Variants in KCNU1 observed in about 807,000 individuals in gnomAD.
KCNU1 encodes potassium channel subfamily U member 1.
Under a neutral mutation model 126.8 loss-of-function variants are expected in KCNU1, and 93 were observed. The ratio of observed to expected loss-of-function variants is 0.73; its 90% CI spans 0.62 to 0.87. The LOEUF is 0.87. Ranked by LOEUF, KCNU1 falls within the 40% of genes least tolerant of loss-of-function variation. The probability of loss-of-function intolerance (pLI) is 0.00; values close to 1 mark genes in which losing one functional copy is unlikely to be tolerated. For missense variants in KCNU1, 1,330 were observed against 1,367.1 expected (o/e 0.97, Z 0.43); for synonymous variants, 523 against 494.2 (o/e 1.06, Z -0.77).
Position 36,836,336 on chromosome 8 carries a change from A to G in KCNU1, c.1336A>G (p.Ile446Val). ...GAACTATGATTCTACCACCAGAATC[A>G]TCATACAGATACTGCAATCCCATAA... is the stretch of plus-strand genomic sequence containing the variant. ...IKNYDSTTRIIIQILQSHNKV... is the reference protein window; with the variant it reads ...IKNYDSTTRIVIQILQSHNKV... Residue 446 changes from isoleucine (I) to valine (V), a missense_variant, in exon 13 of 27, where the codon ATC (isoleucine) becomes GTC (valine). Physicochemically the swap from Ile to Val is conservative, Grantham distance 29. Coordinates refer to ENST00000399881, the MANE Select transcript of KCNU1 (RefSeq NM_001031836.3). 2 of 1,606,500 alleles carry G rather than the reference A, an allele frequency of 1.2e-6. No individual in the cohort carries two copies. The highest frequency in any genetic ancestry group is 1.7e-6 in the Non-Finnish European group (2 of 1,173,964).
intron 14 of KCNU1, among the ~76,000 whole-genome samples, chr8:36,838,516 C>A (rs1804836364): frequency 1.3e-5 from 2 of 152,006 alleles, no homozygotes; most frequent in Admixed American, 6.5e-5. Flanking sequence ...CGTAGTGAAA[C>A]CCTGTCTCTA....
intron 10 of KCNU1, among the ~76,000 whole-genome samples, chr8:36,819,696 A>G (rs2130485202): frequency 6.6e-6 from 1 of 152,124 alleles, no homozygotes; most frequent in Middle Eastern, 3.4e-3. Flanking sequence ...TTCTATCTAA[A>G]TTGGTGTCCT....
intron 24 of KCNU1, among the ~76,000 whole-genome samples, chr8:36,930,210 G>A (rs1437647967): frequency 2.0e-5 from 3 of 152,074 alleles, no homozygotes; most frequent in Admixed American, 6.6e-5. Context: ...ACCTTTCCAT[G>A]TATGTTAATG....
At chr8:36,818,232 G>A (rs924955405) in intron 10 of KCNU1, among the ~76,000 whole-genome samples, 4 of 151,990 alleles carry the variant, frequency 2.6e-5, no homozygotes, top group Admixed American at 2.6e-4. Flanking sequence ...TAGTACAGAA[G>A]GATTTTAAGT....
At chr8:36,884,519 T>G (rs1376121810) in intron 19 of KCNU1, among the ~76,000 whole-genome samples, 1 of 152,140 alleles carries the variant, frequency 6.6e-6, no homozygotes. Context: ...GTGGATCACC[T>G]GAGGTCAGGA....
At chr8:36,874,747 C>G (rs1411572638) in intron 19 of KCNU1, among the ~76,000 whole-genome samples, 4 of 152,132 alleles carry the variant, frequency 2.6e-5, no homozygotes, top group Non-Finnish European at 5.9e-5. Flanking sequence ...ATTATTTATA[C>G]CTTTTAAAAT....
intron 10 of KCNU1, among the ~76,000 whole-genome samples, chr8:36,827,730 G>T (rs576535116): frequency 1.3e-5 from 2 of 152,238 alleles, no homozygotes; most frequent in East Asian, 3.9e-4. Context: ...TATGCTGATG[G>T]TCATGTATCA....
intron 22 of KCNU1, among the ~76,000 whole-genome samples, chr8:36,911,899 C>T (rs1807889214): frequency 6.6e-6 from 1 of 152,138 alleles, no homozygotes; most frequent in Admixed American, 6.5e-5. Context: ...TTCCTTCTCC[C>T]TCAAAAAGGG....
chr8:36,855,140 G>A (rs1380954041), intron 18 of KCNU1, among the ~76,000 whole-genome samples: 1 of 152,060 alleles, frequency 6.6e-6, no homozygotes, highest in Non-Finnish European at 1.5e-5. Context: ...AGGCCTTTCT[G>A]CTTATGCATA....
intron 8 of KCNU1, among the ~76,000 whole-genome samples, chr8:36,814,941 T>C (rs1375703201): frequency 6.6e-6 from 1 of 152,204 alleles, no homozygotes; most frequent in East Asian, 1.9e-4. Flanking sequence ...ATCCCTTTTT[T>C]TCAGTCATTG....
chr8:36,931,079 G>T lies in KCNU1; in HGVS notation c.2865G>T (p.Leu955Phe). Reference protein sequence around the residue: ...YGVADSCTSLLSGRNRCKLGL... With the variant: ...YGVADSCTSLFSGRNRCKLGL... ...TGGCAGATAGCTGCACGTCGCTCTT[G>T]TCTGGAAGAAACCGGTGTAAGCTGG... The change falls in exon 25 of 27, where the codon TTG becomes TTT. Residue 955 changes from leucine to phenylalanine, a missense_variant. Transcript: ENST00000399881. 1.2e-6 allele frequency: 2 copies of T among 1,611,880 alleles called. No individual in the cohort carries two copies. The highest frequency in any genetic ancestry group is 1.7e-6 in the Non-Finnish European group (2 of 1,178,830).
At chr8:36,843,818 C>T (rs540472720) in intron 16 of KCNU1, among the ~76,000 whole-genome samples, 7 of 152,248 alleles carry the variant, frequency 4.6e-5, no homozygotes, top group South Asian at 2.1e-4. Context: ...ATTTTTCTTA[C>T]GGAATTATTT....
chr8:36,841,030 A>C (rs749076993), intron 16 of KCNU1, 27 bp downstream of exon 16: 7 of 816,196 alleles, frequency 8.6e-6, no homozygotes, highest in Non-Finnish European at 1.3e-5. Flanking sequence ...TCATCTCTTC[A>C]GTTGTTTTTT....
chr8:36,846,821 G>GGTACATT (rs1805169240), intron 18 of KCNU1, among the ~76,000 whole-genome samples: 1 of 150,432 alleles, frequency 6.6e-6, no homozygotes. Context: ...GCCTTGTCCA[G>GGTACATT]GTACATTCAG....
intron 22 of KCNU1, among the ~76,000 whole-genome samples, chr8:36,915,862 A>G (rs1585559975): frequency 1.3e-5 from 2 of 152,142 alleles, no homozygotes; most frequent in African/African-American, 4.8e-5. Flanking sequence ...AACATGTGGT[A>G]TGTAACTGGG....
intron 18 of KCNU1, among the ~76,000 whole-genome samples, chr8:36,849,837 C>T (rs1466711042): frequency 6.6e-6 from 1 of 152,034 alleles, no homozygotes; most frequent in East Asian, 1.9e-4. Flanking sequence ...TTTATGTATA[C>T]ACCCAGAAGT....
intron 19 of KCNU1, among the ~76,000 whole-genome samples, chr8:36,881,103 G>T (rs1303348160): frequency 2.0e-5 from 3 of 152,086 alleles, no homozygotes; most frequent in Non-Finnish European, 4.4e-5. Context: ...GTGCCCTTAG[G>T]GGTCATTAGC....
At chr8:36,914,602 T>A (rs1053134641) in intron 22 of KCNU1, among the ~76,000 whole-genome samples, 6 of 149,614 alleles carry the variant, frequency 4.0e-5, no homozygotes, top group African/African-American at 1.5e-4. Context: ...AGGCGGGGGG[T>A]TTTGGGGGAG....
At chr8:36,842,036 T>A (rs1362349619) in intron 16 of KCNU1, among the ~76,000 whole-genome samples, 3 of 152,108 alleles carry the variant, frequency 2.0e-5, no homozygotes, top group Admixed American at 1.3e-4. Context: ...AGACTGTGTG[T>A]TGGCTCATGT....
Sources: allele counts gnomAD v4.1 joint callset (sites outside exome capture counted in the v4.1 genomes callset), GRCh38; gene constraint gnomAD v4.1.1; transcripts MANE v1.5; gene names NCBI Gene and HGNC (gene_info 2026-07-23, HGNC 2026-07-21).